RNF149: variants seen among roughly 807,000 people sequenced by gnomAD.
RNF149 encodes the protein E3 ubiquitin-protein ligase RNF149.
In RNF149, 21 loss-of-function variants were observed where a neutral mutation model predicts 39.0. The ratio of observed to expected loss-of-function variants is 0.54; its 90% confidence interval spans 0.38 to 0.77. RNF149 has a LOEUF of 0.77. RNF149 is among the 30% of genes least tolerant of loss of function. RNF149 has a pLI of 0.00. For synonymous variants in RNF149, 209 were observed against 213.6 expected (o/e 0.98, Z 0.19); for missense variants, 493 against 534.9 (o/e 0.92, Z 0.77).
chr2:101,280,998 C>T (rs1682562714), intron 6 of RNF149, among the ~76,000 whole-genome samples: 1 of 152,112 alleles, frequency 6.6e-6, no homozygotes, highest in Non-Finnish European at 1.5e-5. Flanking sequence ...CTCATCACTA[C>T]ACTCCAGCCA....
At chr2:101,300,974 A>G (rs948035788) in intron 1 of RNF149, among the ~76,000 whole-genome samples, 1 of 152,178 alleles carries the variant, frequency 6.6e-6, no homozygotes, top group African/African-American at 2.4e-5. Context: ...TGCTCAAGTT[A>G]TTGTGCACCA....
At chr2:101,272,790 G>A (rs1682176400), downstream of RNF149, 4 of 398,532 alleles carry the variant, frequency 1.0e-5, no homozygotes, top group Non-Finnish European at 1.9e-5. Flanking sequence ...TGATCTTACT[G>A]GGGAATTTGG....
At chr2:101,289,169 C>G in intron 3 of RNF149, 114 bp from the exon 4 acceptor site, 1 of 620,486 alleles carries the variant, frequency 1.6e-6, no homozygotes, top group Non-Finnish European at 2.9e-6. Flanking sequence ...GTGGTACAAC[C>G]GGTGAAATTA....
chr2:101,300,495 A>C (rs894079825), intron 1 of RNF149, among the ~76,000 whole-genome samples: 3 of 152,188 alleles, frequency 2.0e-5, no homozygotes, highest in African/African-American at 7.2e-5. Flanking sequence ...TGCTGAGTTA[A>C]AAGAAATTAT....
intron 3 of RNF149, among the ~76,000 whole-genome samples, chr2:101,290,452 G>A (rs934680759): frequency 2.2e-4 from 34 of 152,218 alleles, no homozygotes; most frequent in African/African-American, 6.7e-4. Context: ...AAGTGTTCAC[G>A]GGTTGTTAAA....
chr2:101,273,883 A>G (rs901530010), downstream of RNF149, among the ~76,000 whole-genome samples: 3 of 152,176 alleles, frequency 2.0e-5, no homozygotes, highest in Non-Finnish European at 4.4e-5. Context: ...TTTTGCTACT[A>G]AAGACTTGTG....
chr2:101,273,473 TTTC>T (rs1236719769), downstream of RNF149: 2 of 396,570 alleles, frequency 5.0e-6, no homozygotes, highest in Non-Finnish European at 1.0e-5. Flanking sequence ...GTAATATTTG[TTTC>T]TTTTTTTTTT....
chr2:101,294,781 T>A, intron 2 of RNF149, 150 bp downstream of exon 2: 1 of 684,550 alleles, frequency 1.5e-6, no homozygotes, highest in South Asian at 2.0e-5. Flanking sequence ...ATAGTCCAAT[T>A]AAAAAGTTAC....
chr2:101,279,984 G>A (rs1270209987), intron 6 of RNF149, among the ~76,000 whole-genome samples: 1 of 152,058 alleles, frequency 6.6e-6, no homozygotes, highest in Non-Finnish European at 1.5e-5. Context: ...AATGATTTTA[G>A]AATTAATCTT....
At chr2:101,307,064 G>C (rs757130596) in intron 1 of RNF149, among the ~76,000 whole-genome samples, 1 of 152,108 alleles carries the variant, frequency 6.6e-6, no homozygotes, top group Non-Finnish European at 1.5e-5. Context: ...TATTTTACCC[G>C]GAACTTAGTT....
At position 101,308,657 on chromosome 2, in the gene RNF149, G is replaced by T. The variant is rs78958738; in HGVS notation, c.-69C>A. 1 of 1,356,966 alleles carries T rather than the reference G, an allele frequency of 7.4e-7. No homozygotes were observed. The highest frequency in any genetic ancestry group is 9.6e-7 in the Non-Finnish European group (1 of 1,038,966). The allele number at this position is 1,356,966 out of a possible 1,614,324, so 84.1% of individuals were successfully genotyped here. On this transcript the variant is annotated 5_prime_UTR_variant, in exon 1 of 7. Coordinates refer to ENST00000295317, the MANE Select transcript of RNF149 (RefSeq NM_173647.4). ...GAGTGCGGTGCAGTCGAAGAGCAGAGAGAAGCGGACACCCACCGCCGCCCT... is the reference window on the plus strand; with the variant it reads ...GAGTGCGGTGCAGTCGAAGAGCAGATAGAAGCGGACACCCACCGCCGCCCT...
chr2:101,282,652 G>C (rs866849981), intron 5 of RNF149, among the ~76,000 whole-genome samples: 8 of 152,072 alleles, frequency 5.3e-5, no homozygotes, highest in Non-Finnish European at 1.2e-4. Context: ...TCAACATTTG[G>C]GGGACAGCTA....
intron 6 of RNF149, among the ~76,000 whole-genome samples, chr2:101,281,165 C>T (rs1682568439): frequency 6.6e-6 from 1 of 152,164 alleles, no homozygotes; most frequent in African/African-American, 2.4e-5. Context: ...CAAAGTGCTA[C>T]TGATAATACA....
At position 101,277,276 on chromosome 2, in the gene RNF149, C is replaced by T. The variant is rs1189098581; in HGVS notation, c.1165G>A (p.Gly389Ser). The T allele has an allele frequency of 2.5e-6, 4 of 1,612,586 alleles. No homozygotes were observed. The highest frequency in any genetic ancestry group is 2.2e-5 in the East Asian group (1 of 44,864). The stretch of plus-strand genomic sequence containing the variant: ...CCTCCATGCCGAGAGTCACTCCTGC[C>T]GGCTTCTGCAAGAGAGCAACATAAG... ...AGENTALLEAGRSDSRHGGPI... is the reference protein window; with the variant it reads ...AGENTALLEASRSDSRHGGPI... Residue 389 changes from glycine to serine, a missense_variant, in exon 7 of 7, where the codon GGC (glycine) becomes AGC (serine). Transcript: ENST00000295317.
At chr2:101,304,815 C>A (rs563484969) in intron 1 of RNF149, among the ~76,000 whole-genome samples, 1 of 148,922 alleles carries the variant, frequency 6.7e-6, no homozygotes, top group Admixed American at 6.7e-5. Flanking sequence ...TCTCCTGAGG[C>A]TTGGGAAGAG....
At position 101,277,187 on chromosome 2, in the gene RNF149, C is replaced by A. The variant is rs536324322; in HGVS notation, c.*51G>T. The A allele has an allele frequency of 6.2e-7, 1 of 1,606,170 alleles. No individual in the cohort carries two copies. The highest frequency in any genetic ancestry group is 1.3e-5 in the African/African-American group (1 of 74,712). The stretch of plus-strand genomic sequence containing the variant: ...TGCTAAAGTAAAAAAAATAAAATGT[C>A]CTTTAGTTCAAGCCAAACTTCTGTT... On this transcript the variant is annotated 3_prime_UTR_variant, in exon 7 of 7. Coordinates refer to ENST00000295317, the MANE Select transcript of RNF149 (RefSeq NM_173647.4).
downstream of RNF149, among the ~76,000 whole-genome samples, chr2:101,272,417 A>G (rs772761935): frequency 1.6e-4 from 25 of 152,236 alleles, no homozygotes; most frequent in Non-Finnish European, 3.4e-4. Flanking sequence ...AGTAGAAATT[A>G]CACTTTTATA....
At chr2:101,281,820 G>A (rs1047573766) in intron 6 of RNF149, 39 bp downstream of exon 6, 2 of 1,609,600 alleles carry the variant, frequency 1.2e-6, no homozygotes, top group African/African-American at 2.7e-5. Context: ...CACCACTCCT[G>A]GCCACATTCT....
intron 1 of RNF149, among the ~76,000 whole-genome samples, chr2:101,305,060 C>G (rs1442994958): frequency 6.6e-6 from 1 of 152,012 alleles, no homozygotes; most frequent in East Asian, 1.9e-4. Flanking sequence ...AGGCTGGTCT[C>G]AATTTCTTGA....
Sources: gnomAD v4.1 joint callset for allele counts (sites outside exome capture counted in the v4.1 genomes callset) on GRCh38, gnomAD v4.1.1 for gene constraint, MANE v1.5 for transcripts, NCBI Gene and HGNC (gene_info 2026-07-23, HGNC 2026-07-21) for gene names.